ADGRL3: variants seen among roughly 807,000 people sequenced by gnomAD.
ADGRL3 encodes adhesion G protein-coupled receptor L3.
A neutral mutation model predicts 153.5 loss-of-function variants in ADGRL3; 62 were observed. The ratio of observed to expected loss-of-function variants is 0.40; its 90% confidence interval spans 0.33 to 0.50. The LOEUF (loss-of-function observed/expected upper bound fraction) is 0.50, where lower values mean the gene tolerates loss of function less well. Among genes scored for constraint, ADGRL3 ranks in the 20% least tolerant of loss-of-function variants. ADGRL3 has a pLI of 0.47. For missense variants in ADGRL3, 1,641 were observed against 1,859.4 expected (o/e 0.88, Z 2.16); for synonymous variants, 710 against 672.5 (o/e 1.06, Z -0.86).
At chr4:61,500,950 C>T (rs1379257013) in intron 3 of ADGRL3, among the ~76,000 whole-genome samples, 1 of 152,104 alleles carries the variant, frequency 6.6e-6, no homozygotes, top group Non-Finnish European at 1.5e-5. Context: ...AGTAGATATC[C>T]AATTCCTATC....
At chr4:61,551,130 G>A (rs572632559) in intron 4 of ADGRL3, among the ~76,000 whole-genome samples, 47 of 152,222 alleles carry the variant, frequency 3.1e-4, no homozygotes, top group African/African-American at 1.1e-3. Flanking sequence ...GGGTGACTGT[G>A]AATATTCCTT....
chr4:61,771,653 T>C (rs2345048), intron 8 of ADGRL3, among the ~76,000 whole-genome samples: 82,959 of 151,926 alleles, frequency 0.55, 23,568 homozygotes, highest in African/African-American at 0.69. Context: ...CTCCTGGGCT[T>C]AAACAGTCCT....
chr4:61,711,458 T>TTATGTATATA (rs1554009826), intron 6 of ADGRL3, among the ~76,000 whole-genome samples: 2 of 34,662 alleles, frequency 5.8e-5, no homozygotes, highest in East Asian at 4.8e-3. Flanking sequence ...ATATGCTTCA[T>TTATGTATATA]TATATATATA....
intron 6 of ADGRL3, among the ~76,000 whole-genome samples, chr4:61,729,208 G>C (rs955107153): frequency 4.6e-5 from 7 of 151,890 alleles, no homozygotes; most frequent in African/African-American, 1.7e-4. Flanking sequence ...CAAAATAAAA[G>C]TTGAAACTAT....
At chr4:61,484,483 T>C (rs999342023) in intron 2 of ADGRL3, among the ~76,000 whole-genome samples, 2 of 152,176 alleles carry the variant, frequency 1.3e-5, no homozygotes, top group Non-Finnish European at 2.9e-5. Context: ...CTATTAGATA[T>C]CATATTTTTA....
chr4:61,843,452 A>G (rs892539077), intron 9 of ADGRL3, among the ~76,000 whole-genome samples: 1 of 152,076 alleles, frequency 6.6e-6, no homozygotes, highest in Non-Finnish European at 1.5e-5. Flanking sequence ...GTGTTATTGA[A>G]TGAAGGTCTC....
At chr4:61,409,057 C>T (rs1234966469) in intron 2 of ADGRL3, among the ~76,000 whole-genome samples, 2 of 150,874 alleles carry the variant, frequency 1.3e-5, no homozygotes, top group Non-Finnish European at 3.0e-5. Flanking sequence ...GCATATTCTG[C>T]CCCAGGACTA....
intron 25 of ADGRL3, among the ~76,000 whole-genome samples, chr4:62,066,917 C>T (rs1220672609): frequency 6.6e-6 from 1 of 151,992 alleles, no homozygotes. Flanking sequence ...AAAGGCTCAG[C>T]CCCTCTGGGC....
At chr4:61,285,100 A>C (rs904250251) in intron 1 of ADGRL3, among the ~76,000 whole-genome samples, 8 of 151,854 alleles carry the variant, frequency 5.3e-5, no homozygotes, top group African/African-American at 1.7e-4. Context: ...TCTGTAGAGA[A>C]AGAAAAAAAT....
At chr4:61,374,211 T>C (rs1262306843) in intron 1 of ADGRL3, among the ~76,000 whole-genome samples, 6 of 152,308 alleles carry the variant, frequency 3.9e-5, no homozygotes, top group Middle Eastern at 3.4e-3. Flanking sequence ...ACTGCAGATG[T>C]TTGCATTTGA....
intron 2 of ADGRL3, among the ~76,000 whole-genome samples, chr4:61,456,428 TCTATATATATAG>T (rs2097750924): frequency 1.8e-5 from 1 of 56,238 alleles, no homozygotes; most frequent in African/African-American, 5.0e-5. Flanking sequence ...TATATCTATA[TCTATATATATAG>T]ATATATCTAT....
chr4:61,229,664 T>C (rs1749695880), intron 1 of ADGRL3, among the ~76,000 whole-genome samples: 1 of 152,110 alleles, frequency 6.6e-6, no homozygotes, highest in African/African-American at 2.4e-5. Context: ...ATGACTATAA[T>C]TCCAGCAATT....
At chr4:61,694,486 G>A (rs528172953) in intron 6 of ADGRL3, among the ~76,000 whole-genome samples, 8 of 152,066 alleles carry the variant, frequency 5.3e-5, no homozygotes, top group Non-Finnish European at 8.8e-5. Context: ...TGTGCAGTAT[G>A]TCTATAAAAA....
At chr4:61,419,694 A>G (rs968120858) in intron 2 of ADGRL3, among the ~76,000 whole-genome samples, 1 of 152,218 alleles carries the variant, frequency 6.6e-6, no homozygotes, top group Admixed American at 6.5e-5. Flanking sequence ...TGCTGTACGC[A>G]GTCAATTTTT....
chr4:61,312,166 A>C (rs998200364), intron 1 of ADGRL3, among the ~76,000 whole-genome samples: 7 of 152,218 alleles, frequency 4.6e-5, no homozygotes, highest in Non-Finnish European at 4.4e-5. Flanking sequence ...TTTAATAGGG[A>C]GAGGATAGTC....
At chr4:61,298,388 C>T (rs1265441708) in intron 1 of ADGRL3, among the ~76,000 whole-genome samples, 3 of 152,140 alleles carry the variant, frequency 2.0e-5, no homozygotes, top group African/African-American at 7.2e-5. Context: ...TCAATTGTGC[C>T]GGTAGAGATA....
At chr4:61,737,678 C>A (rs1375743278) in intron 8 of ADGRL3, among the ~76,000 whole-genome samples, 4 of 152,234 alleles carry the variant, frequency 2.6e-5, no homozygotes, top group Admixed American at 2.6e-4. Flanking sequence ...CCTACAAGGA[C>A]CATTTTTATC....
chr4:61,658,423 C>A (rs768487871), intron 5 of ADGRL3, among the ~76,000 whole-genome samples: 26 of 152,032 alleles, frequency 1.7e-4, no homozygotes, highest in Non-Finnish European at 3.1e-4. Flanking sequence ...AGCTGGATAA[C>A]CTTTACATAA....
intron 8 of ADGRL3, among the ~76,000 whole-genome samples, chr4:61,811,195 T>A (rs1232573021): frequency 1.3e-5 from 2 of 152,152 alleles, no homozygotes; most frequent in Non-Finnish European, 2.9e-5. Flanking sequence ...AAAGCAGCAT[T>A]GTTCACAATA....
Sources: gnomAD v4.1 joint callset for allele counts (sites outside exome capture counted in the v4.1 genomes callset) on GRCh38, gnomAD v4.1.1 for gene constraint, MANE v1.5 for transcripts, NCBI Gene and HGNC (gene_info 2026-07-23, HGNC 2026-07-21) for gene names.